The following CCDC157 variants were observed in gnomAD, a reference collection of about 807,000 sequenced individuals.
CCDC157 encodes the protein coiled-coil domain-containing protein 157.
In CCDC157, 60 loss-of-function variants were observed where a neutral mutation model predicts 70.9. The ratio of observed to expected loss-of-function variants is 0.85; its 90% confidence interval spans 0.69 to 1.05. The LOEUF (loss-of-function observed/expected upper bound fraction) is 1.05. CCDC157 is among the 50% of genes least tolerant of loss of function. CCDC157 has a pLI of 0.00. For missense variants in CCDC157, 943 were observed against 984.2 expected, an observed-to-expected ratio of 0.96 and a Z score of 0.56; for synonymous variants, 373 against 422.4, an observed-to-expected ratio of 0.88 and a Z score of 1.43.
chr22:30,369,938 C>T (rs370329285), intron 4 of CCDC157: 5 of 460,996 alleles, frequency 1.1e-5, no homozygotes, highest in Non-Finnish European at 1.6e-5. Context: ...CAACCACCCA[C>T]TGGGGAAGAA....
chr22:30,373,828 G>T, intron 8 of CCDC157, 64 bp downstream of exon 8: 1 of 1,534,012 alleles, frequency 6.5e-7, no homozygotes, highest in Admixed American at 2.0e-5. Context: ...CTGCAGGCCT[G>T]TCCCATGTCT....
intron 10 of CCDC157, 190 bp from the exon 11 acceptor site, chr22:30,376,069 G>GAGC: frequency 5.1e-6 from 3 of 587,866 alleles, no homozygotes; most frequent in Non-Finnish European, 6.0e-6. Flanking sequence ...CCCCACACTT[G>GAGC]CTGCCTGCCC....
intron 3 of CCDC157, chr22:30,366,574 A>G (rs1035955690): frequency 7.6e-6 from 3 of 395,342 alleles, no homozygotes; most frequent in Admixed American, 3.8e-5. Flanking sequence ...CAGGGTTTCT[A>G]TGTTGGGGAC....
chr22:30,374,660 A>G lies in CCDC157; in HGVS notation c.1672+569A>G, dbSNP rs977977799. On this transcript the variant is annotated intron_variant, in intron 9 of 11. Transcript: ENST00000338306. ...ATGTGCAGTTAGCTGCTCGTGAGAC[A>G]TCATCCAGGCCCTTCTGTCCCCTTC... The G allele has an allele frequency of 8.8e-6, 4 of 456,808 alleles. No homozygotes were observed. The Admixed American group carries it at 9.4e-5, about 11-fold the overall frequency. 28.3% of individuals were successfully genotyped at this position (456,808 alleles called of 1,614,324 possible). A position where few individuals can be genotyped will look rare whatever the true frequency, so the allele number is the denominator to read the frequency against.
chr22:30,371,955 G>GC, intron 6 of CCDC157, 120 bp from the exon 7 acceptor site: 1 of 798,848 alleles, frequency 1.3e-6, no homozygotes, highest in East Asian at 2.7e-5. Context: ...GGGGTCTAGA[G>GC]CCCCATTTTG....
At position 30,374,045 on chromosome 22, in the gene CCDC157, G is replaced by A; in HGVS notation, c.1626G>A (p.Leu542=). Residue 542 remains leucine, a synonymous_variant, in exon 9 of 12, where the codon CTG becomes CTA. Coordinates refer to ENST00000338306, the MANE Select transcript of CCDC157 (RefSeq NM_001017437.5). The part of the protein sequence containing the change: ...LEELKERERL[L]VAFPDLHRPT... ...AGCTGAAGGAGCGGGAGCGGCTGCT[G>A]GTGGCCTTCCCAGACCTGCACAGGC... The A allele has an allele frequency of 6.2e-7, 1 of 1,606,744 alleles. No homozygotes were observed. The highest frequency in any genetic ancestry group is 8.5e-7 in the Non-Finnish European group (1 of 1,177,428).
chr22:30,377,043 C>G lies in CCDC157; in HGVS notation c.*298C>G, dbSNP rs2033608882. On this transcript the variant is annotated 3_prime_UTR_variant, in exon 12 of 12. Transcript: ENST00000338306. ...CAGAGGAAGCTCCTAAGACCTGGGC[C>G]AGGTGAAGGTCCGTTTTTCTATCCC... 2.1e-6 allele frequency: 1 copy of G among 468,274 alleles called. No individual in the cohort carries two copies. The highest frequency in any genetic ancestry group is 1.9e-5 in the African/African-American group (1 of 51,792). The allele number at this position is 468,274 out of a possible 1,614,324, so 29.0% of individuals were successfully genotyped here. A position where few individuals can be genotyped will look rare whatever the true frequency, so the allele number is the denominator to read the frequency against.
intron 9 of CCDC157, chr22:30,375,021 C>T (rs1933248030): frequency 3.8e-5 from 12 of 318,166 alleles, no homozygotes; most frequent in South Asian, 3.0e-4. Flanking sequence ...TGCAGTGGCA[C>T]AATCTCTGCT....
chr22:30,375,524 ACT>A lies in CCDC157; in HGVS notation c.1721_1722del (p.Ser574TrpfsTer84). ...GAATCCCAGATAACATGTCCCACAG[ACT>A]CTGGCAACGTCACAGATCACATGGA... On this transcript the variant is annotated frameshift_variant, in exon 10 of 12. Coordinates refer to ENST00000338306, the MANE Select transcript of CCDC157 (RefSeq NM_001017437.5). LOFTEE classifies it high-confidence loss of function. 1 of 1,614,132 alleles carries A rather than the reference ACT, an allele frequency of 6.2e-7. No homozygotes were observed. Among genetic ancestry groups the A allele is most frequent in the South Asian group, 1.1e-5 (1 of 91,088 alleles).
rs535854131 is a variant in CCDC157, at chr22:30,373,563, C to T, written c.1336-34C>T. The T allele has an allele frequency of 3.2e-6, 5 of 1,550,514 alleles. No individual in the cohort carries two copies. The East Asian group carries it at 1.2e-4, about 38-fold the overall frequency. On this transcript the variant is annotated intron_variant, in intron 7 of 11. Coordinates refer to ENST00000338306, the MANE Select transcript of CCDC157 (RefSeq NM_001017437.5). Reference sequence around the variant, plus strand: ...CATGGCTGGGCCTAGCCCTGTGGGTCTCACAGCCTCCCTGCTTGTCCGTTC... The same window carrying T: ...CATGGCTGGGCCTAGCCCTGTGGGTTTCACAGCCTCCCTGCTTGTCCGTTC...
chr22:30,368,292 C>T (rs2145904420), intron 3 of CCDC157, among the ~76,000 whole-genome samples: 1 of 152,342 alleles, frequency 6.6e-6, no homozygotes, highest in African/African-American at 2.4e-5. Context: ...TACACTGTCC[C>T]TCTGCTAGGA....
At position 30,371,668 on chromosome 22, in the gene CCDC157, C is replaced by CA; in HGVS notation, c.1067dup (p.Met357AspfsTer30). ...GCCATAGAAACAAGTGACCTAAAGA[C>CA]AAAGATGGCCACCCTGGAGAGAGAA... is the stretch of plus-strand genomic sequence containing the variant. On this transcript the variant is annotated frameshift_variant, in exon 6 of 12. Coordinates refer to ENST00000338306, the MANE Select transcript of CCDC157 (RefSeq NM_001017437.5). LOFTEE classifies it high-confidence loss of function. 6.2e-7 allele frequency: 1 copy of CA among 1,614,160 alleles called. No homozygotes were observed. Among genetic ancestry groups the CA allele is most frequent in the Non-Finnish European group, 8.5e-7 (1 of 1,179,970 alleles).
chr22:30,359,744 T>A (rs1323082258), intron 1 of CCDC157, among the ~76,000 whole-genome samples: 1 of 152,232 alleles, frequency 6.6e-6, no homozygotes, highest in African/African-American at 2.4e-5. Flanking sequence ...ATGTTTTGGG[T>A]ATATTGGGTT....
At chr22:30,367,737 G>T (rs960295134) in intron 3 of CCDC157, among the ~76,000 whole-genome samples, 1 of 151,932 alleles carries the variant, frequency 6.6e-6, no homozygotes, top group African/African-American at 2.4e-5. Flanking sequence ...TGTATCCCAG[G>T]GTTCTAGCGC....
chr22:30,369,628 T>C (rs1350546974), intron 4 of CCDC157, 25 bp downstream of exon 4: 1 of 1,480,022 alleles, frequency 6.8e-7, no homozygotes, highest in Non-Finnish European at 9.0e-7. Flanking sequence ...CTGTCTCAGG[T>C]GGGTCAGCCT....
At position 30,357,736 on chromosome 22, in the gene CCDC157, G is replaced by C. The variant is rs1356589384; in HGVS notation, c.-166+604G>C. 2.7e-5 allele frequency among the ~76,000 whole-genome samples: 4 copies of C among 150,118 alleles called. No individual in the cohort carries two copies. In the Admixed American group the frequency reaches 2.7e-4, roughly 10 times the overall value. ...TTCACCATGCTGGCCAGGCTGGTCT[G>C]GAACTCCTGACCTCAAATGATCCGC... is the stretch of plus-strand genomic sequence containing the variant. On this transcript the variant is annotated intron_variant, in intron 1 of 11. Coordinates refer to ENST00000338306, the MANE Select transcript of CCDC157 (RefSeq NM_001017437.5).
chr22:30,372,287 G>C lies in CCDC157; in HGVS notation c.1335+1G>C, dbSNP rs1407253634. Reference sequence around the variant, plus strand: ...CGACAGCATGGTCCGCCACCAGGAGGTGAGGCCAGGGCCCTCGCTAGCCTG... The same window carrying C: ...CGACAGCATGGTCCGCCACCAGGAGCTGAGGCCAGGGCCCTCGCTAGCCTG... On this transcript the variant is annotated splice_donor_variant, in intron 7 of 11. Coordinates refer to ENST00000338306, the MANE Select transcript of CCDC157 (RefSeq NM_001017437.5). LOFTEE classifies it high-confidence loss of function. The C allele has an allele frequency of 6.4e-7, 1 of 1,560,566 alleles. No individual in the cohort carries two copies. The highest frequency in any genetic ancestry group is 8.6e-7 in the Non-Finnish European group (1 of 1,157,288).
At chr22:30,374,340 C>T (rs766768201) in intron 9 of CCDC157, 55 of 630,378 alleles carry the variant, frequency 8.7e-5, no homozygotes, top group Non-Finnish European at 1.5e-4. Flanking sequence ...AACAGCCAAA[C>T]GCAGACACAG....
intron 3 of CCDC157, 137 bp from the exon 4 acceptor site, chr22:30,369,294 GC>G (rs1429854443): frequency 1.3e-5 from 10 of 751,226 alleles, no homozygotes; most frequent in Non-Finnish European, 1.9e-5. Context: ...TTTGAAGCTG[GC>G]CCAGCAGAGC....
Sources: gnomAD v4.1 joint callset for allele counts (sites outside exome capture counted in the v4.1 genomes callset) on GRCh38, gnomAD v4.1.1 for gene constraint, MANE v1.5 for transcripts, NCBI Gene and HGNC (gene_info 2026-07-23, HGNC 2026-07-21) for gene names.